CAST: variants seen among roughly 807,000 people sequenced by gnomAD.
CAST encodes the protein calpastatin.
A neutral mutation model predicts 119.6 loss-of-function variants in CAST; 76 were observed. The observed-to-expected ratio is 0.64, with a 90% CI of 0.53 to 0.77. The LOEUF is 0.77. CAST is among the 30% of genes least tolerant of loss of function. The pLI, the probability that CAST is intolerant of heterozygous loss-of-function variation, is 0.00. For missense variants in CAST, 953 were observed against 946.5 expected, an observed-to-expected ratio of 1.01 and a Z score of -0.09; for synonymous variants, 319 against 331.6, an observed-to-expected ratio of 0.96 and a Z score of 0.41.
At chr5:96,151,992 T>C in the CAST span, among the ~76,000 whole-genome samples, 1 of 152,142 alleles carries the variant, frequency 6.6e-6, no homozygotes, top group African/African-American at 2.4e-5. Flanking sequence ...TAGTTCCCTT[T>C]TGTGGAGTGC....
the CAST span, among the ~76,000 whole-genome samples, chr5:96,164,282 C>G: frequency 6.6e-6 from 1 of 152,128 alleles, no homozygotes; most frequent in Admixed American, 6.5e-5. Context: ...TCTCTGTTCA[C>G]AGAAATGTAT....
At chr5:96,245,415 C>T in the CAST span, among the ~76,000 whole-genome samples, 12 of 152,180 alleles carry the variant, frequency 7.9e-5, no homozygotes, top group Non-Finnish European at 4.4e-5. Context: ...TTCTAACACT[C>T]ATAACAGGGA....
At chr5:96,341,454 T>G in the CAST span, among the ~76,000 whole-genome samples, 2 of 151,776 alleles carry the variant, frequency 1.3e-5, no homozygotes, top group Middle Eastern at 3.2e-3. Flanking sequence ...AGCCTGAAGG[T>G]CAAATTCGAA....
the CAST span, among the ~76,000 whole-genome samples, chr5:96,004,144 A>T: frequency 4.6e-5 from 7 of 152,230 alleles, no homozygotes; most frequent in African/African-American, 1.2e-4. Flanking sequence ...GCCATGTGCT[A>T]TGTTTTAGAA....
chr5:96,259,880 A>G, the CAST span, among the ~76,000 whole-genome samples: 1 of 143,634 alleles, frequency 7.0e-6, no homozygotes, highest in Admixed American at 7.0e-5. Context: ...ACTAGATTAC[A>G]TTGCTTTTTT....
intron 17 of CAST, among the ~76,000 whole-genome samples, chr5:96,746,820 G>A (rs2150554148): frequency 6.6e-6 from 1 of 152,318 alleles, no homozygotes; most frequent in East Asian, 1.9e-4. Context: ...CTAAGTGAAG[G>A]TGGTTTTGTT....
the CAST span, among the ~76,000 whole-genome samples, chr5:96,015,973 T>C: frequency 6.6e-6 from 1 of 152,118 alleles, no homozygotes; most frequent in Non-Finnish European, 1.5e-5. Context: ...GGGTATTTTG[T>C]AGGTGTGATT....
chr5:96,556,346 C>A (rs529686453), intron 1 of CAST, among the ~76,000 whole-genome samples: 101 of 152,306 alleles, frequency 6.6e-4, no homozygotes, highest in Non-Finnish European at 1.5e-5. Context: ...AGCAACAGAA[C>A]AAAGCTGGAC....
At chr5:96,598,014 C>A (rs1005907111) in intron 1 of CAST, among the ~76,000 whole-genome samples, 4 of 152,192 alleles carry the variant, frequency 2.6e-5, no homozygotes, top group African/African-American at 9.6e-5. Context: ...TCTACCTCCC[C>A]ACAGGGTCAA....
At chr5:96,464,801 C>T in the CAST span, among the ~76,000 whole-genome samples, 1 of 152,028 alleles carries the variant, frequency 6.6e-6, no homozygotes, top group Non-Finnish European at 1.5e-5. Context: ...TCAAGAAATA[C>T]AACATTGTTG....
the CAST span, among the ~76,000 whole-genome samples, chr5:96,286,797 G>C: frequency 6.6e-6 from 1 of 151,924 alleles, no homozygotes; most frequent in African/African-American, 2.4e-5. Flanking sequence ...TCATTTTTCT[G>C]CTTTCAATCT....
chr5:96,455,640 G>A, the CAST span, among the ~76,000 whole-genome samples: 4 of 152,158 alleles, frequency 2.6e-5, no homozygotes, highest in African/African-American at 9.7e-5. Flanking sequence ...ACAATCCCGA[G>A]CTCTGTCCAC....
chr5:95,967,321 C>G, the CAST span, among the ~76,000 whole-genome samples: 1 of 152,070 alleles, frequency 6.6e-6, no homozygotes, highest in East Asian at 1.9e-4. Context: ...CAGAAGGATT[C>G]TTTGAGTCCA....
At chr5:96,137,472 T>C in the CAST span, among the ~76,000 whole-genome samples, 7 of 152,290 alleles carry the variant, frequency 4.6e-5, no homozygotes, top group East Asian at 1.3e-3. Flanking sequence ...TCTGAAAACA[T>C]TCATGCTCAG....
At chr5:96,636,840 A>G (rs1364031991) in intron 1 of CAST, among the ~76,000 whole-genome samples, 2 of 151,712 alleles carry the variant, frequency 1.3e-5, no homozygotes, top group African/African-American at 4.8e-5. Flanking sequence ...GTTCTGCTGC[A>G]CTCTGGAGCT....
In CAST at chr5:96,742,662, T is replaced by G. The variant is rs757711278; in HGVS notation, c.1106T>G (p.Met369Arg). The G allele has an allele frequency of 3.7e-5, 59 of 1,610,344 alleles. No homozygotes were observed. Among genetic ancestry groups the G allele is most frequent in the Non-Finnish European group, 4.6e-5 (54 of 1,176,696 alleles). ...ATTTTTTACTTTTAACAGGATACAA[T>G]GAGTGATCAAGCACTCGAGGCTCTG... Reference protein sequence around the residue: ...EKKRKVEKDTMSDQALEALSA... With the variant: ...EKKRKVEKDTRSDQALEALSA... The change falls in exon 16 of 32, where the codon ATG becomes AGG. Residue 369 changes from methionine (M) to arginine (R), a missense_variant. Physicochemically the swap from Met to Arg is moderately conservative, Grantham distance 91 (BLOSUM62 -1). Transcript: ENST00000675179.
At chr5:96,264,091 C>T in the CAST span, among the ~76,000 whole-genome samples, 1 of 152,206 alleles carries the variant, frequency 6.6e-6, no homozygotes, top group Non-Finnish European at 1.5e-5. Context: ...AGCTTTCATA[C>T]ATATCACTAA....
At chr5:96,528,672 TATG>T (rs1410133283), upstream of CAST, among the ~76,000 whole-genome samples, 1 of 152,208 alleles carries the variant, frequency 6.6e-6, no homozygotes, top group African/African-American at 2.4e-5. Context: ...AATAGGGTAT[TATG>T]ATAATTTCTG....
At chr5:96,528,049 A>G (rs1415717979), upstream of CAST, among the ~76,000 whole-genome samples, 1 of 152,198 alleles carries the variant, frequency 6.6e-6, no homozygotes, top group Non-Finnish European at 1.5e-5. Context: ...CAGTTTTAAG[A>G]AGTTTTTCAC....
Sources: gnomAD v4.1 joint callset for allele counts (sites outside exome capture counted in the v4.1 genomes callset) on GRCh38, gnomAD v4.1.1 for gene constraint, MANE v1.5 for transcripts, NCBI Gene and HGNC (gene_info 2026-07-23, HGNC 2026-07-21) for gene names.